Variants in PDGFD observed in about 807,000 individuals in gnomAD.
The protein encoded by PDGFD is platelet-derived growth factor D.
In PDGFD, 30 loss-of-function variants were observed where a neutral mutation model predicts 44.7. The ratio of observed to expected loss-of-function variants is 0.67; its 90% CI spans 0.50 to 0.91. PDGFD has a LOEUF of 0.91. Ranked by LOEUF, PDGFD falls within the 40% of genes least tolerant of loss-of-function variation. The pLI is 0.00. For synonymous variants in PDGFD, 173 were observed against 168.4 expected (o/e 1.03, Z -0.21); for missense variants, 445 against 457.8 (o/e 0.97, Z 0.25).
intron 1 of PDGFD, among the ~76,000 whole-genome samples, chr11:104,064,011 C>T (rs932677846): frequency 6.6e-6 from 1 of 152,214 alleles, no homozygotes; most frequent in Non-Finnish European, 1.5e-5. Flanking sequence ...GTCCATCAGG[C>T]TTCAAAGCCT....
At position 104,036,946 on chromosome 11, in the gene PDGFD, G is replaced by A. The variant is rs147776291; in HGVS notation, c.125-36691C>T. 1.3e-4 allele frequency: 214 copies of A among 1,614,210 alleles called. No individual in the cohort carries two copies. The African/African-American group carries it at 1.5e-3, about 11-fold the overall frequency. ...CTGCGAAGCGGAGTCCAGAGTCCCC[G>A]TCGAAGAGATCCAGATCATCCACAT... On this transcript the variant is annotated intron_variant, in intron 1 of 6. Transcript: ENST00000393158.
intron 1 of PDGFD, among the ~76,000 whole-genome samples, chr11:104,143,424 T>C (rs1242054646): frequency 1.3e-5 from 2 of 152,198 alleles, no homozygotes; most frequent in African/African-American, 2.4e-5. Flanking sequence ...ACTCTTTACT[T>C]CTTGGAATTC....
rs1232496105 is a variant in PDGFD at position 103,969,729 on chromosome 11, C to CT, written c.511-22006dup. 8.6e-5 allele frequency among the ~76,000 whole-genome samples: 13 copies of CT among 151,872 alleles called. No individual in the cohort carries two copies. In the South Asian group the frequency reaches 1.2e-3, roughly 15 times the overall value. On this transcript the variant is annotated intron_variant, in intron 3 of 6. Coordinates refer to ENST00000393158, the MANE Select transcript of PDGFD (RefSeq NM_025208.5). ...GTTCTTGTCTTTTAAAATTTATTCA[C>CT]TACCCATATTTGGCTTAATTTAGGG...
At chr11:104,113,032 T>A (rs184787689) in intron 1 of PDGFD, among the ~76,000 whole-genome samples, 410 of 151,676 alleles carry the variant, frequency 2.7e-3, no homozygotes, top group Non-Finnish European at 4.9e-3. Flanking sequence ...ACTTAAAAGT[T>A]AAAAAAAAGA....
At chr11:104,147,292 T>C (rs1862177676) in intron 1 of PDGFD, among the ~76,000 whole-genome samples, 1 of 152,122 alleles carries the variant, frequency 6.6e-6, no homozygotes, top group African/African-American at 2.4e-5. Context: ...GAAATAAATT[T>C]TGCAGCAATG....
chr11:103,928,597 AT>A (rs780699255), intron 5 of PDGFD, among the ~76,000 whole-genome samples: 1 of 152,198 alleles, frequency 6.6e-6, no homozygotes, highest in Non-Finnish European at 1.5e-5. Flanking sequence ...CTGTGCTTTG[AT>A]TCTCAAGGGC....
rs1174374110 is a variant in PDGFD, at chr11:104,053,062, A to T, written c.125-52807T>A. Among the ~76,000 whole-genome samples, 3 of 152,142 alleles carry T rather than the reference A, an allele frequency of 2.0e-5. No individual in the cohort carries two copies. The East Asian group carries it at 5.8e-4, about 29-fold the overall frequency. ...TAATTATTCAGTTTATATGCTCATG[A>T]TTTAATTGAACAAATACTTTCTTAT... On this transcript the variant is annotated intron_variant, in intron 1 of 6. Transcript: ENST00000393158.
At chr11:103,929,035 G>A (rs991948815) in intron 5 of PDGFD, among the ~76,000 whole-genome samples, 2 of 152,130 alleles carry the variant, frequency 1.3e-5, no homozygotes, top group Admixed American at 6.6e-5. Flanking sequence ...GGAAGGGATC[G>A]TGATGTGTGA....
intron 5 of PDGFD, among the ~76,000 whole-genome samples, chr11:103,933,539 C>T (rs916344976): frequency 3.3e-5 from 5 of 152,212 alleles, no homozygotes; most frequent in African/African-American, 1.2e-4. Context: ...ACATTTACCA[C>T]TTGTTTTTAC....
chr11:104,061,301 A>G (rs1044550286), intron 1 of PDGFD, among the ~76,000 whole-genome samples: 12 of 152,234 alleles, frequency 7.9e-5, no homozygotes, highest in African/African-American at 2.7e-4. Context: ...AACTGTATCA[A>G]TTAAGAATGT....
intron 3 of PDGFD, among the ~76,000 whole-genome samples, chr11:103,954,960 C>T (rs1168695269): frequency 5.3e-5 from 8 of 151,198 alleles, no homozygotes; most frequent in African/African-American, 1.9e-4. Context: ...GTCAGGAGAT[C>T]GAGACCATCC....
intron 1 of PDGFD, among the ~76,000 whole-genome samples, chr11:104,091,020 A>G (rs969789348): frequency 2.0e-5 from 3 of 152,132 alleles, no homozygotes; most frequent in Non-Finnish European, 4.4e-5. Context: ...CTAACACTGA[A>G]ATCCTAAAGC....
chr11:103,954,635 A>G (rs1858809609), intron 3 of PDGFD, among the ~76,000 whole-genome samples: 1 of 152,194 alleles, frequency 6.6e-6, no homozygotes, highest in Non-Finnish European at 1.5e-5. Flanking sequence ...GAAAGTTTTA[A>G]AAGACATTTG....
chr11:103,963,734 A>T (rs1858974920), intron 3 of PDGFD, among the ~76,000 whole-genome samples: 1 of 152,328 alleles, frequency 6.6e-6, no homozygotes, highest in Non-Finnish European at 1.5e-5. Context: ...CAAAATGTCA[A>T]ATAAAACATC....
intron 1 of PDGFD, among the ~76,000 whole-genome samples, chr11:104,100,421 T>C (rs1385713673): frequency 3.3e-5 from 5 of 152,018 alleles, no homozygotes; most frequent in South Asian, 2.1e-4. Flanking sequence ...CAGGAAGAAG[T>C]TGAATCTCTG....
intron 1 of PDGFD, among the ~76,000 whole-genome samples, chr11:104,058,457 A>G (rs1295807640): frequency 6.6e-6 from 1 of 152,178 alleles, no homozygotes; most frequent in African/African-American, 2.4e-5. Context: ...ATCAAAACAC[A>G]TCCACTAAAA....
chr11:103,996,030 G>A, intron 3 of PDGFD, 35 bp downstream of exon 3: 4 of 1,559,638 alleles, frequency 2.6e-6, no homozygotes, highest in Non-Finnish European at 2.6e-6. Flanking sequence ...TGAAACCAGT[G>A]TCTGCTTTTA....
chr11:104,079,772 G>A (rs1861017320), intron 1 of PDGFD, among the ~76,000 whole-genome samples: 1 of 144,776 alleles, frequency 6.9e-6, no homozygotes, highest in African/African-American at 2.7e-5. Flanking sequence ...TACAGAATAG[G>A]TGAAAAATTA....
rs1857996846 is a variant in PDGFD at position 103,909,633 on chromosome 11, T to C, written c.*61A>G. 6 of 1,596,470 alleles carry C rather than the reference T, an allele frequency of 3.8e-6. No homozygotes were observed. In the South Asian group the frequency reaches 4.4e-5, roughly 12 times the overall value. The stretch of plus-strand genomic sequence containing the variant: ...GGTTGCTGGTAGGAAAAGGGTCTCT[T>C]ATCTCACCCTCCTTAAACTAAAGGT... On this transcript the variant is annotated 3_prime_UTR_variant, in exon 7 of 7. Transcript: ENST00000393158.
Sources: allele counts gnomAD v4.1 joint callset (sites outside exome capture counted in the v4.1 genomes callset), GRCh38; gene constraint gnomAD v4.1.1; transcripts MANE v1.5; gene names NCBI Gene and HGNC (gene_info 2026-07-23, HGNC 2026-07-21).